ARHGAP36: variants seen among roughly 807,000 people sequenced by gnomAD.
The protein encoded by ARHGAP36 is rho GTPase-activating protein 36.
A neutral mutation model predicts 32.9 loss-of-function variants in ARHGAP36; 7 were observed. That is an observed-to-expected ratio of 0.21 (90% confidence interval 0.12 to 0.40). The LOEUF (loss-of-function observed/expected upper bound fraction) is 0.40, where lower values mean the gene tolerates loss of function less well. Among genes scored for constraint, ARHGAP36 ranks in the 10% least tolerant of loss-of-function variants. ARHGAP36 has a pLI of 1.00. For synonymous variants in ARHGAP36, 165 were observed against 168.3 expected (o/e 0.98, Z 0.15); for missense variants, 383 against 442.2 (o/e 0.87, Z 1.20).
At chrX:131,077,260 A>G (rs1274995644) in intron 1 of ARHGAP36, among the ~76,000 whole-genome samples, 1 of 112,416 alleles carries the variant, frequency 8.9e-6, no homozygotes, top group African/African-American at 3.2e-5. Flanking sequence ...CATTTGAATA[A>G]TGTAGATGCA....
intron 1 of ARHGAP36, among the ~76,000 whole-genome samples, chrX:131,070,942 C>A (rs1363696449): frequency 9.1e-6 from 1 of 109,488 alleles, no homozygotes; most frequent in African/African-American, 3.3e-5. Flanking sequence ...CCGGCGACAC[C>A]CTCTCCCACC....
chrX:131,076,773 G>A (rs1011296308), intron 1 of ARHGAP36, among the ~76,000 whole-genome samples: 10 of 112,194 alleles, frequency 8.9e-5, no homozygotes, highest in Non-Finnish European at 1.3e-4. Context: ...GTCTCTCTGT[G>A]AGCCTCAGTT....
intron 1 of ARHGAP36, 120 bp downstream of exon 1, chrX:131,058,564 G>T: frequency 1.6e-6 from 1 of 619,895 alleles, no homozygotes. Context: ...CTTCCTGCTG[G>T]CTTTTAGCTA....
At chrX:131,064,811 T>C (rs1430381238) in intron 1 of ARHGAP36, among the ~76,000 whole-genome samples, 1 of 111,631 alleles carries the variant, frequency 9.0e-6, no homozygotes, top group Non-Finnish European at 1.9e-5. Flanking sequence ...CCATGATCTC[T>C]CTCCCCACAA....
intron 1 of ARHGAP36, among the ~76,000 whole-genome samples, chrX:131,072,381 G>A (rs2079737845): frequency 8.9e-6 from 1 of 112,250 alleles, no homozygotes; most frequent in African/African-American, 3.2e-5. Context: ...GAAAGAGTGA[G>A]GCAAGGAGGG....
Position 131,085,970 on chromosome X carries a change from C to A in ARHGAP36, c.1162C>A (p.Leu388Met). ...NLALVFGSAL[L>M]KKGKFGKRES... ...GGCCTTGGTGTTTGGATCTGCTCTC[C>A]TGAAAAAAGGAAAGTTTGGCAAGAG... The change falls in exon 9 of 12, where the codon CTG (leucine) becomes ATG (methionine). Residue 388 changes from leucine (L) to methionine (M), a missense_variant. Transcript: ENST00000276211. 1 of 1,211,511 alleles carries A rather than the reference C, an allele frequency of 8.3e-7. No individual in the cohort carries two copies. Among genetic ancestry groups the A allele is most frequent in the African/African-American group, 1.7e-5 (1 of 57,746 alleles).
intron 1 of ARHGAP36, among the ~76,000 whole-genome samples, chrX:131,075,535 A>G (rs1456983615): frequency 2.8e-5 from 3 of 108,375 alleles, no homozygotes; most frequent in African/African-American, 1.0e-4. Context: ...TTTTTTTCCA[A>G]AAACATATAT....
chrX:131,085,191 T>A, intron 7 of ARHGAP36, 127 bp downstream of exon 7: 1 of 623,561 alleles, frequency 1.6e-6, no homozygotes, highest in Non-Finnish European at 2.3e-6. Context: ...AAGAAGATTT[T>A]AAAAACCTCT....
intron 11 of ARHGAP36, among the ~76,000 whole-genome samples, chrX:131,087,992 C>T (rs2079844202): frequency 8.9e-6 from 1 of 112,421 alleles, no homozygotes. Flanking sequence ...TCCAGACCCT[C>T]CACAAGACCT....
chrX:131,077,236 C>A (rs780673743), intron 1 of ARHGAP36, among the ~76,000 whole-genome samples: 1 of 112,393 alleles, frequency 8.9e-6, no homozygotes, highest in South Asian at 3.8e-4. Context: ...TTATCCATTG[C>A]CGCTGCCTGT....
chrX:131,081,932 C>G lies in ARHGAP36; in HGVS notation c.253+14C>G. On this transcript the variant is annotated intron_variant, in intron 2 of 11. Transcript: ENST00000276211. ...AACCTGACAGAGGTAAGCTGTACCCCGGATTGTGGCATCCTCGCCTTCGGG... is the reference window on the plus strand; with the variant it reads ...AACCTGACAGAGGTAAGCTGTACCCGGGATTGTGGCATCCTCGCCTTCGGG... 2.5e-6 allele frequency: 3 copies of G among 1,207,434 alleles called. No homozygotes were observed. The highest frequency in any genetic ancestry group is 3.4e-6 in the Non-Finnish European group (3 of 893,000).
intron 1 of ARHGAP36, among the ~76,000 whole-genome samples, chrX:131,060,996 T>G (rs1032088834): frequency 1.2e-4 from 13 of 111,501 alleles, no homozygotes; most frequent in African/African-American, 4.2e-4. Flanking sequence ...TGAATGTCCT[T>G]CAGAAGTCTT....
chrX:131,067,593 CCA>C (rs1250178655), intron 1 of ARHGAP36, among the ~76,000 whole-genome samples: 1 of 112,285 alleles, frequency 8.9e-6, no homozygotes, highest in East Asian at 2.8e-4. Context: ...CCGCCCCCAA[CCA>C]CACACACGGT....
intron 1 of ARHGAP36, among the ~76,000 whole-genome samples, chrX:131,071,824 G>C (rs972001495): frequency 9.0e-6 from 1 of 110,895 alleles, no homozygotes; most frequent in African/African-American, 3.3e-5. Flanking sequence ...CTCCATTTCT[G>C]TCCCTCTTTG....
At chrX:131,060,848 A>C (rs2079664678) in intron 1 of ARHGAP36, among the ~76,000 whole-genome samples, 1 of 112,478 alleles carries the variant, frequency 8.9e-6, no homozygotes. Context: ...TGAAATAAAT[A>C]ATCTTTGGGT....
chrX:131,076,393 A>G (rs1398064099), intron 1 of ARHGAP36, among the ~76,000 whole-genome samples: 1 of 112,309 alleles, frequency 8.9e-6, no homozygotes, highest in Non-Finnish European at 1.9e-5. Flanking sequence ...TTGATGTCAC[A>G]TTGCCTTGTT....
intron 1 of ARHGAP36, among the ~76,000 whole-genome samples, chrX:131,072,428 G>C (rs186179691): frequency 8.9e-6 from 1 of 112,338 alleles, no homozygotes; most frequent in East Asian, 2.8e-4. Flanking sequence ...TGTGTGCAAA[G>C]GGCCAACAAA....
At chrX:131,088,503 A>T in intron 11 of ARHGAP36, 125 bp from the exon 12 acceptor site, 1 of 631,622 alleles carries the variant, frequency 1.6e-6, no homozygotes, top group Non-Finnish European at 2.4e-6. Context: ...GGGGATAATC[A>T]TCCCTGTCCT....
intron 4 of ARHGAP36, 101 bp downstream of exon 4, chrX:131,084,070 G>C (rs1308459743): frequency 9.4e-7 from 1 of 1,058,205 alleles, no homozygotes; most frequent in Non-Finnish European, 1.3e-6. Context: ...GCAGGGGGGA[G>C]CTGAACACAA....
Sources: gnomAD v4.1 joint callset for allele counts (sites outside exome capture counted in the v4.1 genomes callset) on GRCh38, gnomAD v4.1.1 for gene constraint, MANE v1.5 for transcripts, NCBI Gene and HGNC (gene_info 2026-07-23, HGNC 2026-07-21) for gene names.